The following GABRR1 variants were observed in gnomAD, a reference collection of about 807,000 sequenced individuals.
GABRR1 encodes gamma-aminobutyric acid receptor subunit rho-1.
GABRR1 carries 59 observed loss-of-function variants against 55.5 expected under a neutral mutation model. The ratio of observed to expected loss-of-function variants is 1.06; its 90% CI spans 0.86 to 1.32. The LOEUF is 1.32. Among genes scored for constraint, GABRR1 ranks in the 40% most tolerant of loss-of-function variants. The probability of loss-of-function intolerance (pLI) is 0.00; values close to 1 mark genes in which losing one functional copy is unlikely to be tolerated. For missense variants in GABRR1, 602 were observed against 619.1 expected, an observed-to-expected ratio of 0.97 and a Z score of 0.29; for synonymous variants, 213 against 226.0, an observed-to-expected ratio of 0.94 and a Z score of 0.51.
intron 7 of GABRR1, among the ~76,000 whole-genome samples, chr6:89,182,371 G>T (rs1455825979): frequency 2.6e-5 from 4 of 152,004 alleles, no homozygotes; most frequent in Non-Finnish European, 4.4e-5. Context: ...GTGCAATCTT[G>T]GCTCACAGCA....
chr6:89,227,242 T>C (rs1388938998), intron 1 of GABRR1, among the ~76,000 whole-genome samples: 3 of 66,584 alleles, frequency 4.5e-5, no homozygotes, highest in Non-Finnish European at 5.6e-5. Flanking sequence ...CTTTTCCTAA[T>C]TGAATACCCT....
At chr6:89,195,456 C>T (rs534978808) in intron 5 of GABRR1, among the ~76,000 whole-genome samples, 17 of 151,628 alleles carry the variant, frequency 1.1e-4, no homozygotes, top group Non-Finnish European at 2.1e-4. Context: ...GAGTAAGACT[C>T]CGTCTCCAAA....
At chr6:89,205,161 A>G (rs770144764) in intron 1 of GABRR1, among the ~76,000 whole-genome samples, 26 of 152,198 alleles carry the variant, frequency 1.7e-4, no homozygotes, top group Non-Finnish European at 3.7e-4. Context: ...TTTTATATGT[A>G]GGAAACTGAG....
intron 8 of GABRR1, among the ~76,000 whole-genome samples, chr6:89,181,132 C>T (rs566941042): frequency 3.5e-4 from 53 of 152,328 alleles, no homozygotes; most frequent in African/African-American, 1.1e-3. Context: ...AGCTATGGAA[C>T]AACTGTTAGA....
intron 6 of GABRR1, among the ~76,000 whole-genome samples, chr6:89,186,077 G>A (rs1771892839): frequency 6.6e-6 from 1 of 152,274 alleles, no homozygotes; most frequent in Admixed American, 6.5e-5. Context: ...AACTCCAAGT[G>A]AACAAACCTA....
chr6:89,206,001 T>A (rs1357977730), intron 1 of GABRR1, among the ~76,000 whole-genome samples: 1 of 150,958 alleles, frequency 6.6e-6, no homozygotes, highest in African/African-American at 2.4e-5. Context: ...CTGATGTGCA[T>A]AAAGGCCACG....
In GABRR1 at chr6:89,182,064, G is replaced by A. The variant is rs773244714; in HGVS notation, c.797-7C>T. 2.5e-6 allele frequency: 4 copies of A among 1,613,554 alleles called. No homozygotes were observed. Among genetic ancestry groups the A allele is most frequent in the East Asian group, 2.2e-5 (1 of 44,882 alleles). ...TAGAGACGGTTGTACCAGCCTGGGG[G>A]ACACAGGAATAAAAGACAGTACACA... is the stretch of plus-strand genomic sequence containing the variant. On this transcript the variant is annotated splice_polypyrimidine_tract_variant and splice_region_variant and intron_variant, in intron 7 of 9. Coordinates refer to ENST00000454853, the MANE Select transcript of GABRR1 (RefSeq NM_002042.5).
intron 1 of GABRR1, among the ~76,000 whole-genome samples, chr6:89,216,459 G>C (rs1400708783): frequency 6.6e-6 from 1 of 152,200 alleles, no homozygotes; most frequent in East Asian, 1.9e-4. Flanking sequence ...TTGTCTCCAA[G>C]TCTCCTGTAT....
chr6:89,180,579 C>T, intron 8 of GABRR1, 91 bp from the exon 9 acceptor site: 1 of 1,458,858 alleles, frequency 6.9e-7, no homozygotes, highest in Non-Finnish European at 9.3e-7. Context: ...CCCTGCTGCT[C>T]CCTCAATCTA....
Position 89,226,600 on chromosome 6 carries a change from C to A in GABRR1, c.-411+4616G>T, listed in dbSNP as rs1582414233. ...AGGTATGCGGCGTTATTTCTGAGGG[C>A]TCTGTTCTGTTCCATGGATCTATAT... On this transcript the variant is annotated intron_variant, in intron 1 of 11. Coordinates refer to the GABRR1 transcript ENST00000369451. Among the ~76,000 whole-genome samples, 3 of 132,038 alleles carry A rather than the reference C, an allele frequency of 2.3e-5. No individual in the cohort carries two copies. The East Asian group carries it at 6.0e-4, about 27-fold the overall frequency. The allele number at this position is 132,038 out of a possible 152,430, so 86.6% of individuals were successfully genotyped here. A position where few individuals can be genotyped will look rare whatever the true frequency, so the allele number is the denominator to read the frequency against.
At chr6:89,197,708 G>A (rs1018721949) in intron 5 of GABRR1, among the ~76,000 whole-genome samples, 1 of 152,162 alleles carries the variant, frequency 6.6e-6, no homozygotes, top group Admixed American at 6.6e-5. Context: ...GGGAATCAGA[G>A]AGATTGTAAG....
intron 1 of GABRR1, among the ~76,000 whole-genome samples, chr6:89,210,748 T>C (rs947319018): frequency 3.3e-5 from 5 of 152,166 alleles, no homozygotes; most frequent in African/African-American, 1.2e-4. Context: ...ACATTCACCA[T>C]TGTTCTTGAT....
chr6:89,196,822 G>GGAAGGAAAGAAAGAAAGAAA (rs1262381146), intron 5 of GABRR1, among the ~76,000 whole-genome samples: 15 of 91,120 alleles, frequency 1.6e-4, no homozygotes, highest in Admixed American at 7.1e-4. Flanking sequence ...AAGAAAAGAA[G>GGAAGGAAAGAAAGAAAGAAA]GAAAGAAAGA....
At chr6:89,194,392 C>T (rs111339755) in intron 5 of GABRR1, among the ~76,000 whole-genome samples, 1,813 of 152,130 alleles carry the variant, frequency 0.012, 26 homozygotes, top group Non-Finnish European at 0.015. Context: ...AGCAACCTAG[C>T]GACAGATTCA....
Position 89,190,187 on chromosome 6 carries a change from C to T in GABRR1, c.633G>A (p.Thr211=), listed in dbSNP as rs766278571. 16 of 1,610,092 alleles carry T rather than the reference C, an allele frequency of 9.9e-6. No individual in the cohort carries two copies. In the African/African-American group the frequency reaches 1.6e-4, roughly 16 times the overall value. Residue 211 remains threonine, a synonymous_variant, in exon 6 of 10, where the codon ACG becomes ACA. Transcript: ENST00000454853. ...DFSRFPLDTQ[T]CSLEIESYAY... is the part of the protein sequence containing the mutation. ...CACAGCTTTCAATTTCAAGAGAGCA[C>T]GTTTGTGTGTCCAAGGGAAATCGGC...
intron 6 of GABRR1, among the ~76,000 whole-genome samples, chr6:89,188,065 G>A (rs1397016588): frequency 6.6e-6 from 1 of 151,478 alleles, no homozygotes; most frequent in Non-Finnish European, 1.5e-5. Context: ...CACCCAGGCT[G>A]GAGTGCAGTG....
chr6:89,230,844 G>A (rs1217154025), intron 1 of GABRR1, among the ~76,000 whole-genome samples: 3 of 149,898 alleles, frequency 2.0e-5, no homozygotes, highest in Non-Finnish European at 4.5e-5. Flanking sequence ...GGGCAATGGC[G>A]GGCACCCCTC....
At chr6:89,181,798 G>A (rs756685385) in intron 8 of GABRR1, 107 bp downstream of exon 8, 364 of 1,145,960 alleles carry the variant, frequency 3.2e-4, no homozygotes, top group Non-Finnish European at 3.9e-4. Flanking sequence ...AAGTCATAAC[G>A]CCAAAAGGGA....
upstream of GABRR1, among the ~76,000 whole-genome samples, chr6:89,219,410 A>G (rs1032201070): frequency 6.6e-6 from 1 of 152,226 alleles, no homozygotes; most frequent in African/African-American, 2.4e-5. Flanking sequence ...GGAGGCATCT[A>G]TGATGCACTG....
Sources: gnomAD v4.1 joint callset for allele counts (sites outside exome capture counted in the v4.1 genomes callset) on GRCh38, gnomAD v4.1.1 for gene constraint, MANE v1.5 for transcripts, NCBI Gene and HGNC (gene_info 2026-07-23, HGNC 2026-07-21) for gene names.